ZNF609: variants seen among roughly 807,000 people sequenced by gnomAD.
The protein encoded by ZNF609 is zinc finger protein 609.
A neutral mutation model predicts 109.5 loss-of-function variants in ZNF609; 11 were observed. The observed-to-expected ratio is 0.10, with a 90% CI of 0.06 to 0.17. ZNF609 has a LOEUF of 0.17. Among genes scored for constraint, ZNF609 ranks in the 10% least tolerant of loss-of-function variants. ZNF609 has a pLI of 1.00. For missense variants in ZNF609, 1,559 were observed against 1,772.4 expected, an observed-to-expected ratio of 0.88 and a Z score of 2.16; for synonymous variants, 646 against 662.0, an observed-to-expected ratio of 0.98 and a Z score of 0.37.
At chr15:64,585,107 T>G (rs1895174828) in intron 2 of ZNF609, among the ~76,000 whole-genome samples, 1 of 151,440 alleles carries the variant, frequency 6.6e-6, no homozygotes, top group Non-Finnish European at 1.5e-5. Flanking sequence ...GGAGGATCAC[T>G]TGAGGTCAGG....
intron 2 of ZNF609, among the ~76,000 whole-genome samples, chr15:64,576,940 A>T (rs1894967183): frequency 7.5e-6 from 1 of 134,206 alleles, no homozygotes; most frequent in Non-Finnish European, 1.7e-5. Context: ...ATATACATAT[A>T]AATATATACA....
At chr15:64,471,729 A>G (rs993854100) in intron 1 of ZNF609, among the ~76,000 whole-genome samples, 2 of 151,058 alleles carry the variant, frequency 1.3e-5, no homozygotes, top group African/African-American at 4.9e-5. Context: ...CATTACAGGC[A>G]TGCGGCACCA....
At chr15:64,626,854 G>A (rs898061885) in intron 3 of ZNF609, among the ~76,000 whole-genome samples, 25 of 152,276 alleles carry the variant, frequency 1.6e-4, no homozygotes, top group African/African-American at 5.8e-4. Context: ...GAAGACCCAA[G>A]TGTAACCTAG....
At chr15:64,476,082 G>A (rs1337912993) in intron 1 of ZNF609, among the ~76,000 whole-genome samples, 3 of 152,154 alleles carry the variant, frequency 2.0e-5, no homozygotes, top group Non-Finnish European at 4.4e-5. Flanking sequence ...TGCAGCAAGG[G>A]TCTAGTGGTG....
At chr15:64,536,832 C>T (rs2140376414) in intron 2 of ZNF609, among the ~76,000 whole-genome samples, 2 of 146,934 alleles carry the variant, frequency 1.4e-5, no homozygotes, top group Middle Eastern at 7.0e-3. Flanking sequence ...ACTGCTTGAG[C>T]CTGGAAGGTT....
chr15:64,560,510 A>T (rs958904934), intron 2 of ZNF609, among the ~76,000 whole-genome samples: 5 of 151,732 alleles, frequency 3.3e-5, no homozygotes, highest in Admixed American at 6.6e-5. Flanking sequence ...ATTCTTTCAT[A>T]CTCATTATTT....
rs2083230500 is a variant in ZNF609 at position 64,684,588 on chromosome 15, A to C, written c.*2902A>C. ...TCTTACCGAACTCTCTCCACACATC[A>C]CAAGGTCAAAGAACCACACGCTTAG... is the stretch of plus-strand genomic sequence containing the variant. On this transcript the variant is annotated 3_prime_UTR_variant, in exon 10 of 10. Transcript: ENST00000326648. 6.6e-6 allele frequency: 1 copy of C among 152,556 alleles called. No homozygotes were observed. Among genetic ancestry groups the C allele is most frequent in the African/African-American group, 2.4e-5 (1 of 41,446 alleles). The allele number at this position is 152,556 out of a possible 1,614,324, so 9.5% of individuals were successfully genotyped here.
intron 2 of ZNF609, among the ~76,000 whole-genome samples, chr15:64,598,433 G>A (rs1165080941): frequency 6.6e-6 from 1 of 151,800 alleles, no homozygotes; most frequent in African/African-American, 2.4e-5. Context: ...GCTGATCTAC[G>A]CATTTTATGA....
intron 2 of ZNF609, among the ~76,000 whole-genome samples, chr15:64,538,006 T>C (rs1595711160): frequency 6.6e-6 from 1 of 151,876 alleles, no homozygotes; most frequent in Non-Finnish European, 1.5e-5. Context: ...CTCGGGAGGC[T>C]GAGGTGGGAG....
rs28459662 is a variant in ZNF609, at chr15:64,534,452, T to C, written c.747+34286T>C. 7.7e-4 allele frequency among the ~76,000 whole-genome samples: 117 copies of C among 152,180 alleles called. 1 individual carries two copies. Among genetic ancestry groups the C allele is most frequent in the African/African-American group, 2.6e-3 (107 of 41,544 alleles). On this transcript the variant is annotated intron_variant, in intron 2 of 9. Coordinates refer to ENST00000326648, the MANE Select transcript of ZNF609 (RefSeq NM_015042.2). ...GCCTCAGCCTCCCAAGTAGCTGGGATTGTAGGCATGCGCCACCATGCCTGG... is the reference window on the plus strand; with the variant it reads ...GCCTCAGCCTCCCAAGTAGCTGGGACTGTAGGCATGCGCCACCATGCCTGG...
At chr15:64,673,215 A>G (rs1167320897) in intron 4 of ZNF609, among the ~76,000 whole-genome samples, 1 of 152,176 alleles carries the variant, frequency 6.6e-6, no homozygotes, top group Non-Finnish European at 1.5e-5. Flanking sequence ...TGCAATAGCT[A>G]TGGTTCCCAC....
At chr15:64,681,560 G>A in intron 9 of ZNF609, 132 bp from the exon 10 acceptor site, 1 of 599,726 alleles carries the variant, frequency 1.7e-6, no homozygotes, top group East Asian at 2.8e-5. Context: ...CATCTGAGAG[G>A]ACCTGTGGAA....
intron 2 of ZNF609, among the ~76,000 whole-genome samples, chr15:64,582,716 CTTTT>C (rs1180562247): frequency 1.5e-4 from 3 of 20,164 alleles, no homozygotes; most frequent in African/African-American, 2.8e-4. Flanking sequence ...TTCTTTCTTT[CTTTT>C]TTCTTTTTTT....
intron 2 of ZNF609, among the ~76,000 whole-genome samples, chr15:64,599,824 C>T (rs1221815074): frequency 6.6e-6 from 1 of 152,178 alleles, no homozygotes; most frequent in Non-Finnish European, 1.5e-5. Flanking sequence ...TGTGTTTGTT[C>T]ATGCCTGTGT....
intron 3 of ZNF609, among the ~76,000 whole-genome samples, chr15:64,666,474 T>C (rs1023898591): frequency 2.6e-5 from 4 of 152,152 alleles, no homozygotes; most frequent in African/African-American, 9.7e-5. Flanking sequence ...ATCTAGCACA[T>C]AATAGTTTTA....
At chr15:64,544,659 T>G (rs921479339) in intron 2 of ZNF609, among the ~76,000 whole-genome samples, 20 of 152,176 alleles carry the variant, frequency 1.3e-4, no homozygotes, top group Admixed American at 2.6e-4. Context: ...TGAAATGCCT[T>G]TCCAAAGCCA....
chr15:64,607,100 C>T (rs570539952), intron 2 of ZNF609, among the ~76,000 whole-genome samples: 4 of 151,292 alleles, frequency 2.6e-5, no homozygotes, highest in East Asian at 2.0e-4. Flanking sequence ...GCTGAGATCG[C>T]GCCACTGCAC....
At chr15:64,496,561 C>T (rs1421739792) in intron 1 of ZNF609, among the ~76,000 whole-genome samples, 4 of 152,204 alleles carry the variant, frequency 2.6e-5, no homozygotes, top group Non-Finnish European at 4.4e-5. Context: ...CTCTGCCCCT[C>T]ATAATAGAAA....
Position 64,499,875 on chromosome 15 carries a change from T to C in ZNF609, c.456T>C (p.Ser152=), listed in dbSNP as rs377169848. The C allele has an allele frequency of 2.8e-5, 45 of 1,614,042 alleles. No homozygotes were observed. Among genetic ancestry groups the C allele is most frequent in the Non-Finnish European group, 3.6e-5 (42 of 1,179,998 alleles). The change falls in exon 2 of 10, where the codon AGT becomes AGC. Residue 152 remains serine (S), a synonymous_variant. Transcript: ENST00000326648. ...AGAAGGCGGCTAAGGCATCCCGCAG[T>C]GTAGCCGGTTCCAAAAAGGAGAAGG... ...GSEKAAKASR[S]VAGSKKEKEN... is the part of the protein sequence containing the mutation.
Sources: allele counts gnomAD v4.1 joint callset (sites outside exome capture counted in the v4.1 genomes callset), GRCh38; gene constraint gnomAD v4.1.1; transcripts MANE v1.5; gene names NCBI Gene and HGNC (gene_info 2026-07-23, HGNC 2026-07-21).